ARMH4: variants seen among roughly 807,000 people sequenced by gnomAD.
ARMH4 encodes the protein armadillo like helical domain containing 4, also known as armadillo-like helical domain-containing protein 4.
ARMH4 carries 49 observed loss-of-function variants against 61.9 expected under a neutral mutation model. The ratio of observed to expected loss-of-function variants is 0.79; its 90% CI spans 0.63 to 1.00. The LOEUF is 1.00. Ranked by LOEUF, ARMH4 falls within the 50% of genes least tolerant of loss-of-function variation. ARMH4 has a pLI of 0.00. For synonymous variants in ARMH4, 368 were observed against 341.5 expected (o/e 1.08, Z -0.85); for missense variants, 934 against 930.0 (o/e 1.00, Z -0.06).
chr14:58,078,954 T>C lies in ARMH4; in HGVS notation c.2089+17770A>G, dbSNP rs116473032. Among the ~76,000 whole-genome samples the C allele has an allele frequency of 9.5e-3, 1,443 of 152,332 alleles. 20 individuals carry two copies. Among genetic ancestry groups the C allele is most frequent in the African/African-American group, 0.032 (1,342 of 41,566 alleles). ...GATGTGTGAGCAGCTTCTGGGAAAG[T>C]CTTTCTTCGAAAGGCTCATAAAAAG... On this transcript the variant is annotated intron_variant, in intron 5 of 7. Coordinates refer to ENST00000267485, the MANE Select transcript of ARMH4 (RefSeq NM_001001872.4).
intron 6 of ARMH4, among the ~76,000 whole-genome samples, chr14:58,006,385 G>A (rs1368397552): frequency 6.6e-6 from 1 of 152,096 alleles, no homozygotes. Flanking sequence ...AGCCAAAAAT[G>A]GAGCAGGACA....
intron 4 of ARMH4, among the ~76,000 whole-genome samples, chr14:58,110,821 AAGT>A: frequency 6.6e-6 from 1 of 152,112 alleles, no homozygotes; most frequent in African/African-American, 2.4e-5. Context: ...TCCCGGGTTC[AAGT>A]GATTCTCCTG....
intron 4 of ARMH4, among the ~76,000 whole-genome samples, chr14:58,124,884 C>A (rs1886845644): frequency 6.6e-6 from 1 of 152,194 alleles, no homozygotes; most frequent in Non-Finnish European, 1.5e-5. Flanking sequence ...ATAGCCCTCA[C>A]TTGGGCACTA....
At chr14:58,049,713 T>A (rs559502334) in intron 5 of ARMH4, among the ~76,000 whole-genome samples, 14 of 151,752 alleles carry the variant, frequency 9.2e-5, no homozygotes, top group South Asian at 4.2e-4. Context: ...CAAAAAAAAA[T>A]AAAATAAAAT....
At chr14:58,122,089 A>C in intron 4 of ARMH4, among the ~76,000 whole-genome samples, 1 of 152,184 alleles carries the variant, frequency 6.6e-6, no homozygotes, top group East Asian at 1.9e-4. Flanking sequence ...TTCCAAGAAC[A>C]AAAGCCAATA....
chr14:58,029,089 G>A (rs1158774325), intron 5 of ARMH4, among the ~76,000 whole-genome samples: 1 of 151,846 alleles, frequency 6.6e-6, no homozygotes, highest in Non-Finnish European at 1.5e-5. Flanking sequence ...CCTAAAAGCA[G>A]TCCCTCTCCA....
chr14:58,116,368 C>A, intron 4 of ARMH4: 1 of 368,014 alleles, frequency 2.7e-6, no homozygotes, highest in Non-Finnish European at 5.7e-6. Flanking sequence ...ATTTCCATTT[C>A]AGGCAGCTGT....
chr14:58,110,644 A>G (rs1396350270), intron 4 of ARMH4, among the ~76,000 whole-genome samples: 1 of 152,114 alleles, frequency 6.6e-6, no homozygotes, highest in Non-Finnish European at 1.5e-5. Context: ...TATCTTTTTC[A>G]TTATTAATGT....
intron 5 of ARMH4, among the ~76,000 whole-genome samples, chr14:58,084,935 T>A (rs1885334295): frequency 6.6e-6 from 1 of 152,350 alleles, no homozygotes; most frequent in Admixed American, 6.5e-5. Context: ...AATAAACAAG[T>A]TGATTTCAAC....
intron 1 of ARMH4, among the ~76,000 whole-genome samples, chr14:58,146,201 T>C (rs1031122078): frequency 7.9e-5 from 12 of 152,252 alleles, no homozygotes; most frequent in Non-Finnish European, 2.9e-5. Context: ...TGAATGTCTA[T>C]AGCCCACTTT....
At chr14:58,131,807 A>C in intron 3 of ARMH4, 86 bp from the exon 4 acceptor site, 1 of 1,285,392 alleles carries the variant, frequency 7.8e-7, no homozygotes, top group Non-Finnish European at 1.1e-6. Context: ...TAGGCAAGAA[A>C]TGATTAAACC....
intron 4 of ARMH4, chr14:58,131,221 T>C (rs1255207876): frequency 6.0e-6 from 2 of 331,226 alleles, no homozygotes; most frequent in Non-Finnish European, 1.1e-5. Flanking sequence ...TGTGTTCCAA[T>C]ATAGCTTTAT....
chr14:58,059,839 T>C (rs1339410790), intron 5 of ARMH4, among the ~76,000 whole-genome samples: 1 of 152,194 alleles, frequency 6.6e-6, no homozygotes, highest in Admixed American at 6.5e-5. Context: ...TACAAAGCCC[T>C]AGACACTGCG....
chr14:58,093,364 G>T (rs1014515985), intron 5 of ARMH4, among the ~76,000 whole-genome samples: 1 of 151,980 alleles, frequency 6.6e-6, no homozygotes, highest in Admixed American at 6.6e-5. Flanking sequence ...CTAACTTTCT[G>T]CAGTTTTTGT....
At chr14:58,080,828 A>C (rs1885197599) in intron 5 of ARMH4, among the ~76,000 whole-genome samples, 1 of 152,158 alleles carries the variant, frequency 6.6e-6, no homozygotes, top group Non-Finnish European at 1.5e-5. Context: ...TAGGCCAGGC[A>C]TAGTGGCTCA....
chr14:58,058,917 A>G (rs1405620762), intron 5 of ARMH4, among the ~76,000 whole-genome samples: 1 of 152,214 alleles, frequency 6.6e-6, no homozygotes, highest in Admixed American at 6.5e-5. Flanking sequence ...ATTGTTTTTC[A>G]TTGCAGACTT....
At chr14:58,100,547 G>A (rs531421730) in intron 4 of ARMH4, among the ~76,000 whole-genome samples, 24 of 152,264 alleles carry the variant, frequency 1.6e-4, no homozygotes, top group African/African-American at 5.5e-4. Context: ...TATAAAGATG[G>A]ACCAGGGACT....
At chr14:58,052,406 C>T (rs901082217) in intron 5 of ARMH4, among the ~76,000 whole-genome samples, 3 of 152,128 alleles carry the variant, frequency 2.0e-5, no homozygotes, top group Non-Finnish European at 4.4e-5. Flanking sequence ...TAAGGAAGAG[C>T]GGGTTTCATG....
At chr14:58,101,497 C>T (rs1885975112) in intron 4 of ARMH4, 1 of 152,194 alleles carries the variant, frequency 6.6e-6, no homozygotes. Context: ...GCTGCATAGC[C>T]CAAGCAATGG....
Sources: gnomAD v4.1 joint callset for allele counts (sites outside exome capture counted in the v4.1 genomes callset) on GRCh38, gnomAD v4.1.1 for gene constraint, MANE v1.5 for transcripts, NCBI Gene and HGNC (gene_info 2026-07-23, HGNC 2026-07-21) for gene names.